COL5A2: variants seen among roughly 807,000 people sequenced by gnomAD.
The protein encoded by COL5A2 is collagen type V alpha 2 chain.
In COL5A2, 23 loss-of-function variants were observed where a neutral mutation model predicts 208.2. The observed-to-expected ratio is 0.11, with a 90% CI of 0.08 to 0.16. COL5A2 has a LOEUF of 0.16. Among genes scored for constraint, COL5A2 ranks in the 10% least tolerant of loss-of-function variants. The probability of loss-of-function intolerance (pLI) is 1.00; values close to 1 mark genes in which losing one functional copy is unlikely to be tolerated. For missense variants in COL5A2, 1,590 were observed against 1,956.4 expected (o/e 0.81, Z 3.53); for synonymous variants, 625 against 628.5 (o/e 0.99, Z 0.08).
chr2:189,194,257 T>C (rs1688967160), intron 1 of COL5A2, among the ~76,000 whole-genome samples: 1 of 152,212 alleles, frequency 6.6e-6, no homozygotes, highest in Non-Finnish European at 1.5e-5. Flanking sequence ...ACATTTTTAA[T>C]ATAGCATTTA....
the COL5A2 span, among the ~76,000 whole-genome samples, chr2:189,324,513 G>C: frequency 2.6e-5 from 4 of 152,122 alleles, no homozygotes; most frequent in African/African-American, 7.2e-5. Flanking sequence ...AAGGATATGA[G>C]CAGACATTTC....
rs1275132077 is a variant in COL5A2 at position 189,041,681 on chromosome 2, G to A, written c.3538C>T (p.Pro1180Ser). Reference sequence around the variant, plus strand: ...CCTTCTTTACCTGAAGGACCAACTGGGCCTGGAGGACCCTGCAAGAAACAA... The same window carrying A: ...CCTTCTTTACCTGAAGGACCAACTGAGCCTGGAGGACCCTGCAAGAAACAA... Reference protein sequence around the residue: ...GPFGPRGPPGPVGPSGKEGNP... With the variant: ...GPFGPRGPPGSVGPSGKEGNP... The change falls in exon 50 of 54, where the codon CCA becomes TCA. Residue 1180 changes from proline to serine, a missense_variant. Coordinates refer to ENST00000374866, the MANE Select transcript of COL5A2 (RefSeq NM_000393.5). The A allele has an allele frequency of 5.6e-6, 9 of 1,613,656 alleles. No homozygotes were observed. The highest frequency in any genetic ancestry group is 6.8e-6 in the Non-Finnish European group (8 of 1,179,644).
At chr2:189,303,432 A>G in the COL5A2 span, among the ~76,000 whole-genome samples, 1 of 152,110 alleles carries the variant, frequency 6.6e-6, no homozygotes, top group Non-Finnish European at 1.5e-5. Context: ...AGGCCCCCCA[A>G]AACTGTTCCT....
At chr2:189,078,824 T>C (rs1288526204) in intron 15 of COL5A2, among the ~76,000 whole-genome samples, 1 of 152,156 alleles carries the variant, frequency 6.6e-6, no homozygotes, top group Admixed American at 6.6e-5. Context: ...TCACTGAGTA[T>C]AGAAAAAGAA....
At chr2:189,097,164 A>G in intron 6 of COL5A2, 113 bp downstream of exon 6, 1 of 953,416 alleles carries the variant, frequency 1.0e-6, no homozygotes, top group African/African-American at 1.6e-5. Flanking sequence ...TTTTTGTAAA[A>G]TTTAATGGAG....
At chr2:189,083,593 AAAATATTAAAAAGATTTT>A (rs2105644334) in intron 12 of COL5A2, among the ~76,000 whole-genome samples, 1 of 152,332 alleles carries the variant, frequency 6.6e-6, no homozygotes, top group African/African-American at 2.4e-5. Context: ...ATATAAAGTA[AAAATATTAAAAAGATTTT>A]AAAGAGCTAA....
At chr2:189,237,786 A>G in the COL5A2 span, among the ~76,000 whole-genome samples, 90,893 of 151,648 alleles carry the variant, frequency 0.6, 28,368 homozygotes, top group East Asian at 0.72. Context: ...ATAGAAATTT[A>G]TGAAACTCAA....
chr2:189,112,975 G>A (rs1050651740), intron 1 of COL5A2, among the ~76,000 whole-genome samples: 2 of 152,152 alleles, frequency 1.3e-5, no homozygotes, highest in Non-Finnish European at 2.9e-5. Flanking sequence ...TGCTCATTAA[G>A]TTTTATGATT....
chr2:189,048,016 C>T (rs1685705328), intron 45 of COL5A2, among the ~76,000 whole-genome samples, 193 bp downstream of exon 45: 1 of 152,110 alleles, frequency 6.6e-6, no homozygotes, highest in African/African-American at 2.4e-5. Context: ...AAAATACCAT[C>T]TTAATTTGTT....
intron 1 of COL5A2, among the ~76,000 whole-genome samples, chr2:189,177,336 A>G (rs1448871389): frequency 6.6e-6 from 1 of 152,188 alleles, no homozygotes; most frequent in African/African-American, 2.4e-5. Flanking sequence ...AAATTATGAC[A>G]CCTTTATTAA....
chr2:189,359,397 C>T, the COL5A2 span, among the ~76,000 whole-genome samples: 2 of 152,142 alleles, frequency 1.3e-5, no homozygotes, highest in Non-Finnish European at 2.9e-5. Flanking sequence ...ACATTTGAAT[C>T]ACCCTTGCAT....
chr2:189,056,728 C>A, intron 35 of COL5A2: 1 of 558,342 alleles, frequency 1.8e-6, no homozygotes, highest in Non-Finnish European at 3.2e-6. Flanking sequence ...AAGAGGGCCC[C>A]CATCCCCTTA....
At chr2:189,056,706 T>C (rs753002712) in intron 35 of COL5A2, 6 of 521,576 alleles carry the variant, frequency 1.2e-5, no homozygotes, top group Middle Eastern at 5.3e-4. Context: ...AAAAAGATGA[T>C]AGAGAAAGAT....
At chr2:189,170,254 C>T (rs1488945624) in intron 1 of COL5A2, among the ~76,000 whole-genome samples, 1 of 152,156 alleles carries the variant, frequency 6.6e-6, no homozygotes, top group African/African-American at 2.4e-5. Context: ...TCGGATCACT[C>T]ATACTTGAGT....
intron 1 of COL5A2, among the ~76,000 whole-genome samples, chr2:189,130,011 C>A (rs1352645276): frequency 6.6e-6 from 1 of 152,010 alleles, no homozygotes; most frequent in African/African-American, 2.4e-5. Flanking sequence ...GAACTAAAAT[C>A]TTTTTCCCTC....
the COL5A2 span, among the ~76,000 whole-genome samples, chr2:189,436,530 T>TA: frequency 6.6e-6 from 1 of 151,738 alleles, no homozygotes; most frequent in Non-Finnish European, 1.5e-5. Flanking sequence ...ACAATAATAA[T>TA]AAAAAAAGAT....
At chr2:189,104,600 T>C (rs1005341216) in intron 2 of COL5A2, among the ~76,000 whole-genome samples, 15 of 151,970 alleles carry the variant, frequency 9.9e-5, no homozygotes, top group African/African-American at 2.7e-4. Context: ...TTTTGCTTTT[T>C]ATAATTTTAT....
chr2:189,049,308 A>G, intron 44 of COL5A2, 39 bp downstream of exon 44: 1 of 1,368,270 alleles, frequency 7.3e-7, no homozygotes, highest in Non-Finnish European at 1.0e-6. Context: ...CCATGACACC[A>G]GATAACAAGA....
chr2:189,359,486 A>T, the COL5A2 span, among the ~76,000 whole-genome samples: 9 of 151,866 alleles, frequency 5.9e-5, no homozygotes, highest in African/African-American at 2.2e-4. Flanking sequence ...TATTTTGTTG[A>T]TTTTCGCATT....
Sources: allele counts gnomAD v4.1 joint callset (sites outside exome capture counted in the v4.1 genomes callset), GRCh38; gene constraint gnomAD v4.1.1; transcripts MANE v1.5; gene names NCBI Gene and HGNC (gene_info 2026-07-23, HGNC 2026-07-21).